Variants in CRIM1 observed in about 807,000 individuals in gnomAD.
CRIM1 encodes cysteine rich transmembrane BMP regulator 1.
In CRIM1, 32 loss-of-function variants were observed where a neutral mutation model predicts 116.4. The observed-to-expected ratio is 0.27, with a 90% confidence interval of 0.21 to 0.37. The LOEUF (loss-of-function observed/expected upper bound fraction) is 0.37, where lower values mean the gene tolerates loss of function less well. CRIM1 is among the 10% of genes least tolerant of loss of function. The pLI, the probability that CRIM1 is intolerant of heterozygous loss-of-function variation, is 1.00. For missense variants in CRIM1, 1,331 were observed against 1,354.8 expected (o/e 0.98, Z 0.28); for synonymous variants, 590 against 509.2 (o/e 1.16, Z -2.13).
At chr2:36,413,169 A>G (rs1673340575) in intron 2 of CRIM1, among the ~76,000 whole-genome samples, 1 of 152,118 alleles carries the variant, frequency 6.6e-6, no homozygotes. Context: ...CGATACCAGG[A>G]TTTTCCTTGA....
intron 4 of CRIM1, among the ~76,000 whole-genome samples, chr2:36,446,699 T>G (rs932547266): frequency 2.0e-5 from 3 of 152,220 alleles, no homozygotes; most frequent in Admixed American, 6.5e-5. Context: ...CCTTTTTTCT[T>G]CTGTTGGCAT....
At chr2:36,437,391 AG>A (rs1439240471) in intron 2 of CRIM1, among the ~76,000 whole-genome samples, 2 of 151,442 alleles carry the variant, frequency 1.3e-5, no homozygotes, top group Non-Finnish European at 2.9e-5. Flanking sequence ...AAAAAGAGTT[AG>A]TGTAACTTTG....
intron 1 of CRIM1, among the ~76,000 whole-genome samples, chr2:36,363,916 A>G (rs1022175290): frequency 3.3e-5 from 5 of 152,152 alleles, no homozygotes; most frequent in African/African-American, 1.2e-4. Flanking sequence ...AAGTCAGAGG[A>G]TTATCCATTC....
chr2:36,528,794 T>C (rs17019000), intron 13 of CRIM1, among the ~76,000 whole-genome samples: 5,993 of 152,306 alleles, frequency 0.039, 183 homozygotes, highest in African/African-American at 0.089. Context: ...ATTCTGGTTG[T>C]CGTGCACCAT....
intron 11 of CRIM1, among the ~76,000 whole-genome samples, chr2:36,516,688 G>A (rs1267432544): frequency 2.6e-5 from 4 of 152,178 alleles, no homozygotes; most frequent in Non-Finnish European, 4.4e-5. Context: ...GCTTAGATTG[G>A]GGTGTGGCCT....
intron 1 of CRIM1, among the ~76,000 whole-genome samples, chr2:36,366,237 G>A (rs545437380): frequency 6.6e-6 from 1 of 151,938 alleles, no homozygotes; most frequent in East Asian, 1.9e-4. Context: ...CCGTATTATC[G>A]CATAGTAGAA....
intron 13 of CRIM1, among the ~76,000 whole-genome samples, chr2:36,535,525 C>T (rs1037674051): frequency 6.6e-6 from 1 of 152,158 alleles, no homozygotes; most frequent in Non-Finnish European, 1.5e-5. Flanking sequence ...CTGATTACAA[C>T]TAGAACTTTC....
intron 2 of CRIM1, among the ~76,000 whole-genome samples, chr2:36,421,855 A>G (rs1027290541): frequency 1.3e-5 from 2 of 151,594 alleles, no homozygotes; most frequent in Non-Finnish European, 2.9e-5. Context: ...CAGTGTTTGC[A>G]GCAGTTTTTT....
chr2:36,471,363 A>C (rs1276848935), intron 5 of CRIM1, among the ~76,000 whole-genome samples: 2 of 152,212 alleles, frequency 1.3e-5, no homozygotes, highest in Admixed American at 6.5e-5. Flanking sequence ...CTTTCATGAA[A>C]GGAAGAGTTA....
intron 2 of CRIM1, among the ~76,000 whole-genome samples, chr2:36,427,803 C>G (rs568105408): frequency 2.6e-5 from 4 of 152,310 alleles, no homozygotes; most frequent in Admixed American, 2.6e-4. Flanking sequence ...GACAGATTGC[C>G]CTTGTATTCC....
At chr2:36,504,564 A>G (rs967539283) in intron 8 of CRIM1, among the ~76,000 whole-genome samples, 5 of 152,224 alleles carry the variant, frequency 3.3e-5, no homozygotes, top group Non-Finnish European at 5.9e-5. Flanking sequence ...GAAAAGTAGT[A>G]CTCCAGGACA....
chr2:36,448,007 C>A (rs903792112), intron 4 of CRIM1, among the ~76,000 whole-genome samples: 1 of 152,188 alleles, frequency 6.6e-6, no homozygotes, highest in African/African-American at 2.4e-5. Context: ...GGAGCAGACA[C>A]GTGATTTAAG....
chr2:36,530,586 A>G lies in CRIM1; in HGVS notation c.2429-6766A>G, dbSNP rs1230396254. 1.1e-4 allele frequency among the ~76,000 whole-genome samples: 17 copies of G among 152,160 alleles called. 1 individual carries two copies. The highest frequency in any genetic ancestry group is 1.1e-3 in the Admixed American group (17 of 15,276). ...CCTTTGTGGCTTAGAGAGTGCTGTAATGCATTGTTACAGGTATAAACTAAC... is the reference window on the plus strand; with the variant it reads ...CCTTTGTGGCTTAGAGAGTGCTGTAGTGCATTGTTACAGGTATAAACTAAC... On this transcript the variant is annotated intron_variant, in intron 13 of 16. Coordinates refer to ENST00000280527, the MANE Select transcript of CRIM1 (RefSeq NM_016441.3).
chr2:36,491,152 A>T (rs1288325395), intron 7 of CRIM1, among the ~76,000 whole-genome samples: 1 of 152,210 alleles, frequency 6.6e-6, no homozygotes, highest in Non-Finnish European at 1.5e-5. Context: ...TCTCCAGATA[A>T]TTAAAATTTG....
intron 7 of CRIM1, among the ~76,000 whole-genome samples, chr2:36,492,352 A>G (rs2125071211): frequency 6.6e-6 from 1 of 152,234 alleles, no homozygotes; most frequent in East Asian, 1.9e-4. Context: ...AGCGGCTAAA[A>G]GAATTTGAAA....
chr2:36,431,718 G>A (rs1481922865), intron 2 of CRIM1, among the ~76,000 whole-genome samples: 1 of 152,148 alleles, frequency 6.6e-6, no homozygotes, highest in Non-Finnish European at 1.5e-5. Flanking sequence ...AGCAGGAACT[G>A]AGCATCCTTG....
chr2:36,537,166 A>G (rs769539167), intron 13 of CRIM1, among the ~76,000 whole-genome samples, 186 bp from the exon 14 acceptor site: 3 of 152,214 alleles, frequency 2.0e-5, no homozygotes, highest in Non-Finnish European at 4.4e-5. Context: ...CTCAGTGGCC[A>G]CAAGATGAGA....
intron 1 of CRIM1, among the ~76,000 whole-genome samples, chr2:36,364,948 C>T (rs1418800447): frequency 4.6e-5 from 7 of 151,916 alleles, no homozygotes; most frequent in Non-Finnish European, 7.4e-5. Context: ...TCCCATTTTC[C>T]TCTTTGTTAG....
chr2:36,492,110 G>A (rs1680266911), intron 7 of CRIM1, among the ~76,000 whole-genome samples: 1 of 152,064 alleles, frequency 6.6e-6, no homozygotes, highest in African/African-American at 2.4e-5. Flanking sequence ...ATATTAATAT[G>A]TCTAACAGCC....
Sources: allele counts gnomAD v4.1 joint callset (sites outside exome capture counted in the v4.1 genomes callset), GRCh38; gene constraint gnomAD v4.1.1; transcripts MANE v1.5; gene names NCBI Gene and HGNC (gene_info 2026-07-23, HGNC 2026-07-21).